KAZN: variants seen among roughly 807,000 people sequenced by gnomAD.
The protein encoded by KAZN is kazrin, periplakin interacting protein, also known as kazrin.
Under a neutral mutation model 87.4 loss-of-function variants are expected in KAZN, and 40 were observed. The observed-to-expected ratio is 0.46, with a 90% CI of 0.36 to 0.60. The LOEUF (loss-of-function observed/expected upper bound fraction) is 0.60, where lower values mean the gene tolerates loss of function less well. KAZN is among the 20% of genes least tolerant of loss of function. The pLI is 0.00. For missense variants in KAZN, 898 were observed against 1,073.9 expected, an observed-to-expected ratio of 0.84 and a Z score of 2.29; for synonymous variants, 466 against 458.3, an observed-to-expected ratio of 1.02 and a Z score of -0.22.
chr1:14,193,146 C>T (rs1008098341), intron 2 of KAZN, among the ~76,000 whole-genome samples: 3 of 152,248 alleles, frequency 2.0e-5, no homozygotes, highest in African/African-American at 4.8e-5. Flanking sequence ...GAAGAAGGTG[C>T]CTTGCTTCCG....
intron 1 of KAZN, among the ~76,000 whole-genome samples, chr1:14,047,227 C>G (rs1642114971): frequency 6.6e-6 from 1 of 152,236 alleles, no homozygotes; most frequent in Non-Finnish European, 1.5e-5. Flanking sequence ...TCCACACCCC[C>G]TCTCGGTTCC....
At chr1:15,027,290 C>G (rs144966449) in intron 2 of KAZN, among the ~76,000 whole-genome samples, 2,465 of 152,018 alleles carry the variant, frequency 0.016, 64 homozygotes, top group African/African-American at 0.056. Context: ...CCATGTTAGC[C>G]AGGATGGTCT....
intron 1 of KAZN, among the ~76,000 whole-genome samples, chr1:14,778,459 A>T (rs1645242606): frequency 6.6e-6 from 1 of 151,772 alleles, no homozygotes; most frequent in Admixed American, 6.6e-5. Context: ...TCATGAGGCA[A>T]TGCCTCCCGT....
chr1:14,298,067 A>T (rs1336964764), intron 2 of KAZN, among the ~76,000 whole-genome samples: 1 of 152,164 alleles, frequency 6.6e-6, no homozygotes, highest in Non-Finnish European at 1.5e-5. Context: ...TCTACAAAAA[A>T]TACAAAAATT....
At chr1:14,931,570 G>T (rs1420095329) in intron 1 of KAZN, among the ~76,000 whole-genome samples, 1 of 152,150 alleles carries the variant, frequency 6.6e-6, no homozygotes, top group Non-Finnish European at 1.5e-5. Flanking sequence ...GATTGCAGCG[G>T]TCTGGGGTGC....
chr1:14,696,600 T>C (rs1053007414), intron 1 of KAZN, among the ~76,000 whole-genome samples: 1 of 152,194 alleles, frequency 6.6e-6, no homozygotes, highest in African/African-American at 2.4e-5. Flanking sequence ...AATTCTGCCA[T>C]TTACAGCAAG....
rs878867779 is a variant in KAZN at position 15,067,775 on chromosome 1, C to T, written c.1222+2022C>T. ...TCCTCCTTTGACCAAACTGTTTAAC[C>T]GAGCCTAGGGGTGACGGGGAGCGAC... On this transcript the variant is annotated intron_variant, in intron 8 of 14. Coordinates refer to ENST00000376030, the MANE Select transcript of KAZN (RefSeq NM_201628.3). 6.4e-5 allele frequency: 63 copies of T among 985,348 alleles called. 1 individual carries two copies. The African/African-American group carries it at 8.7e-4, about 14-fold the overall frequency. The allele number at this position is 985,348 out of a possible 1,614,324, so 61.0% of individuals were successfully genotyped here. A position where few individuals can be genotyped will look rare whatever the true frequency, so the allele number is the denominator to read the frequency against.
intron 1 of KAZN, among the ~76,000 whole-genome samples, chr1:14,088,608 G>A (rs1289733977): frequency 2.0e-5 from 3 of 152,034 alleles, no homozygotes; most frequent in Admixed American, 6.5e-5. Flanking sequence ...CTCTTCTGCT[G>A]TTGTTGGACA....
intron 1 of KAZN, among the ~76,000 whole-genome samples, chr1:14,017,481 C>A (rs1640624156): frequency 6.6e-6 from 1 of 152,164 alleles, no homozygotes; most frequent in Non-Finnish European, 1.5e-5. Flanking sequence ...TTTCTATGAC[C>A]CAGTGCATTC....
At chr1:15,049,373 A>G (rs569461231) in intron 4 of KAZN, among the ~76,000 whole-genome samples, 2 of 152,356 alleles carry the variant, frequency 1.3e-5, no homozygotes, top group Admixed American at 6.5e-5. Context: ...CAAGGGCACC[A>G]TAGACGTTTG....
At chr1:14,983,012 C>T (rs538264290) in intron 2 of KAZN, among the ~76,000 whole-genome samples, 5 of 152,332 alleles carry the variant, frequency 3.3e-5, no homozygotes, top group African/African-American at 7.2e-5. Context: ...CCGCAGCAGA[C>T]GCCCTGCAGC....
intron 4 of KAZN, among the ~76,000 whole-genome samples, chr1:15,048,807 G>A (rs190893323): frequency 2.3e-4 from 35 of 149,080 alleles, no homozygotes; most frequent in Non-Finnish European, 1.8e-4. Context: ...GTCCTGAGTC[G>A]TTGGTCCTGG....
At chr1:14,431,910 G>A (rs762839907) in intron 2 of KAZN, among the ~76,000 whole-genome samples, 3 of 152,168 alleles carry the variant, frequency 2.0e-5, no homozygotes, top group East Asian at 1.9e-4. Context: ...ACGGCTTATC[G>A]TGGGACTGTG....
At chr1:15,013,741 A>G (rs1437190429) in intron 2 of KAZN, among the ~76,000 whole-genome samples, 2 of 151,722 alleles carry the variant, frequency 1.3e-5, no homozygotes, top group East Asian at 3.9e-4. Flanking sequence ...GCGAAAGAGC[A>G]AGACTCCATC....
chr1:14,683,290 C>T (rs576567068), intron 1 of KAZN, among the ~76,000 whole-genome samples: 1 of 152,140 alleles, frequency 6.6e-6, no homozygotes, highest in Non-Finnish European at 1.5e-5. Flanking sequence ...CTCAGTTGCT[C>T]GAATTTGAGA....
chr1:14,197,602 C>A (rs1467482086), intron 2 of KAZN, among the ~76,000 whole-genome samples: 2 of 151,996 alleles, frequency 1.3e-5, no homozygotes, highest in African/African-American at 2.4e-5. Context: ...ACAGGAGAAT[C>A]GTTTAAACCC....
intron 2 of KAZN, among the ~76,000 whole-genome samples, chr1:14,550,739 C>CTCTCTCTCTCTCTCTCTCTCTCTCT (rs1480745409): frequency 2.9e-5 from 2 of 69,968 alleles, no homozygotes; most frequent in African/African-American, 8.9e-5. Flanking sequence ...CTCTCTCTCT[C>CTCTCTCTCTCTCTCTCTCTCTCTCT]CCCCACCCCG....
chr1:14,526,589 A>G (rs1359156442), intron 2 of KAZN, among the ~76,000 whole-genome samples: 1 of 152,220 alleles, frequency 6.6e-6, no homozygotes, highest in Non-Finnish European at 1.5e-5. Context: ...CAAAGATGTA[A>G]GTGAATATTT....
chr1:14,285,266 T>G (rs1185207620), intron 2 of KAZN, among the ~76,000 whole-genome samples: 1 of 152,220 alleles, frequency 6.6e-6, no homozygotes, highest in African/African-American at 2.4e-5. Flanking sequence ...CAATAAGTAT[T>G]GGCCATTATT....
Sources: gnomAD v4.1 joint callset for allele counts (sites outside exome capture counted in the v4.1 genomes callset) on GRCh38, gnomAD v4.1.1 for gene constraint, MANE v1.5 for transcripts, NCBI Gene and HGNC (gene_info 2026-07-23, HGNC 2026-07-21) for gene names.